Variants in SLC11A1 observed in about 807,000 individuals in gnomAD.
SLC11A1 encodes natural resistance-associated macrophage protein 1.
In SLC11A1, 59 loss-of-function variants were observed where a neutral mutation model predicts 63.2. The ratio of observed to expected loss-of-function variants is 0.93; its 90% CI spans 0.76 to 1.16. The LOEUF (loss-of-function observed/expected upper bound fraction) is 1.16, where lower values mean the gene tolerates loss of function less well. Ranked by LOEUF, SLC11A1 falls within the 50% of genes most tolerant of loss-of-function variation. The pLI is 0.00. For synonymous variants in SLC11A1, 305 were observed against 307.8 expected (o/e 0.99, Z 0.09); for missense variants, 688 against 730.7 (o/e 0.94, Z 0.67).
chr2:218,392,864 C>G (rs1559124000), intron 11 of SLC11A1, 117 bp from the exon 12 acceptor site: 1 of 796,422 alleles, frequency 1.3e-6, no homozygotes. Flanking sequence ...CCCAGTTCAA[C>G]AGTGGAAAAA....
Position 218,386,670 on chromosome 2 carries a change from A to C in SLC11A1, c.429A>C (p.Leu143=), listed in dbSNP as rs1696122383. The C allele has an allele frequency of 6.2e-7, 1 of 1,613,942 alleles. No individual in the cohort carries two copies. The highest frequency in any genetic ancestry group is 1.1e-5 in the South Asian group (1 of 91,080). The change falls in exon 5 of 15, where the codon CTA becomes CTC. Residue 143 remains leucine (L), a synonymous_variant. Coordinates refer to ENST00000233202, the MANE Select transcript of SLC11A1 (RefSeq NM_000578.4). ...PRTVLWLTIE[L]AIVGSDMQEV... is the part of the protein sequence containing the mutation. Reference sequence around the variant, plus strand: ...CCGTCCTCTGGCTGACCATCGAGCTAGCCATTGTGGGCTCCGACATGCAGG... The same window carrying C: ...CCGTCCTCTGGCTGACCATCGAGCTCGCCATTGTGGGCTCCGACATGCAGG...
intron 1 of SLC11A1, 78 bp downstream of exon 1, chr2:218,382,453 G>A: frequency 1.3e-6 from 2 of 1,547,178 alleles, no homozygotes; most frequent in African/African-American, 1.4e-5. Context: ...GAGACTTGAG[G>A]AAGCAAGAAA....
chr2:218,386,609 A>G (rs1380360734), intron 4 of SLC11A1, 26 bp from the exon 5 acceptor site: 2 of 1,543,316 alleles, frequency 1.3e-6, no homozygotes, highest in East Asian at 2.3e-5. Flanking sequence ...GCCCACCCTT[A>G]ATGAAGGATC....
chr2:218,394,001 G>C, intron 12 of SLC11A1, 119 bp from the exon 13 acceptor site: 1 of 914,082 alleles, frequency 1.1e-6, no homozygotes, highest in Non-Finnish European at 1.7e-6. Flanking sequence ...GGCTCAGTGT[G>C]GTTAGGGCAG....
rs939065125 is a variant in SLC11A1 at position 218,384,464 on chromosome 2, G to C, written c.273+99G>C. On this transcript the variant is annotated intron_variant, in intron 3 of 14. Coordinates refer to ENST00000233202, the MANE Select transcript of SLC11A1 (RefSeq NM_000578.4). The surrounding 1 kb of genome is among the most constrained non-coding windows in gnomAD (Gnocchi z 4.0). ...TGGCCATGTTTCTCCAATGTGGCCTGGGAGCTGGTGTTAAGTTCAAATGGG... is the reference window on the plus strand; with the variant it reads ...TGGCCATGTTTCTCCAATGTGGCCTCGGAGCTGGTGTTAAGTTCAAATGGG... 7.0e-7 allele frequency: 1 copy of C among 1,432,734 alleles called. No homozygotes were observed. Among genetic ancestry groups the C allele is most frequent in the Non-Finnish European group, 9.4e-7 (1 of 1,062,290 alleles). The allele number at this position is 1,432,734 out of a possible 1,614,324, so 88.8% of individuals were successfully genotyped here.
chr2:218,395,103 G>T lies in SLC11A1; in HGVS notation c.*68G>T. The T allele has an allele frequency of 8.1e-7, 1 of 1,239,380 alleles. No individual in the cohort carries two copies. Among genetic ancestry groups the T allele is most frequent in the Non-Finnish European group, 1.1e-6 (1 of 873,440 alleles). 76.8% of individuals were successfully genotyped at this position (1,239,380 alleles called of 1,614,324 possible). On this transcript the variant is annotated 3_prime_UTR_variant, in exon 15 of 15. Transcript: ENST00000233202. Reference sequence around the variant, plus strand: ...CTGGCCTGCTGGATGTGGAGGGGGCGCGTGCAGGCAGCAGGATAGAGTGGG... The same window carrying T: ...CTGGCCTGCTGGATGTGGAGGGGGCTCGTGCAGGCAGCAGGATAGAGTGGG...
At position 218,382,945 on chromosome 2, in the gene SLC11A1, C is replaced by T. The variant is rs1432002688; in HGVS notation, c.8-15C>T. 11 of 1,613,930 alleles carry T rather than the reference C, an allele frequency of 6.8e-6. No individual in the cohort carries two copies. The highest frequency in any genetic ancestry group is 9.3e-6 in the Non-Finnish European group (11 of 1,179,994). ...AAGAGGCAGGACACTCACCATGCTT[C>T]ATGGGCCCCCACAGGTGACAAGGGT... On this transcript the variant is annotated splice_polypyrimidine_tract_variant and intron_variant, in intron 1 of 14. Transcript: ENST00000233202.
At position 218,389,981 on chromosome 2, in the gene SLC11A1, A is replaced by G. The variant is rs562080206; in HGVS notation, c.907A>G (p.Met303Val). ...SVSFIINLFV[M>V]AVFGQAFYQK... ...CTCCTTTATCATCAACCTCTTTGTC[A>G]TGGCTGTCTTTGGGCAGGCCTTCTA... The change falls in exon 9 of 15, where the codon ATG becomes GTG. Residue 303 changes from methionine to valine, a missense_variant. Met to Val is a conservative substitution (Grantham distance 21, BLOSUM62 1). Coordinates refer to ENST00000233202, the MANE Select transcript of SLC11A1 (RefSeq NM_000578.4). 2.5e-6 allele frequency: 4 copies of G among 1,613,740 alleles called. No individual in the cohort carries two copies. The Admixed American group carries it at 5.0e-5, about 20-fold the overall frequency.
intron 13 of SLC11A1, 155 bp from the exon 14 acceptor site, chr2:218,394,477 G>T: frequency 1.2e-6 from 1 of 842,902 alleles, no homozygotes; most frequent in Non-Finnish European, 1.8e-6. Context: ...GAGGCAGGAG[G>T]TGGGGAGGGG....
chr2:218,386,910 G>C, intron 5 of SLC11A1, 169 bp downstream of exon 5: 1 of 663,970 alleles, frequency 1.5e-6, no homozygotes, highest in East Asian at 2.7e-5. Context: ...AAGTCACACA[G>C]ATGTGAGTCA....
intron 5 of SLC11A1, 30 bp from the exon 6 acceptor site, chr2:218,387,130 C>T: frequency 6.2e-7 from 1 of 1,608,036 alleles, no homozygotes; most frequent in Non-Finnish European, 8.5e-7. Context: ...CTGGACCAGG[C>T]TGGGCTGACC....
At position 218,384,216 on chromosome 2, in the gene SLC11A1, C is replaced by A; in HGVS notation, c.151-27C>A. The A allele has an allele frequency of 3.2e-6, 5 of 1,570,876 alleles. No homozygotes were observed. In the South Asian group the frequency reaches 5.7e-5, roughly 18 times the overall value. On this transcript the variant is annotated intron_variant, in intron 2 of 14. Transcript: ENST00000233202. The surrounding 1 kb of genome is among the most constrained non-coding windows in gnomAD (Gnocchi z 4.0). ...ACCATCCCTATACCCAGGACCCCCTCACTCTACTCCTCCCACCCCCCAACA... is the reference window on the plus strand; with the variant it reads ...ACCATCCCTATACCCAGGACCCCCTAACTCTACTCCTCCCACCCCCCAACA...
At chr2:218,383,753 T>C (rs1695926962) in intron 2 of SLC11A1, 1 of 152,758 alleles carries the variant, frequency 6.5e-6, no homozygotes, top group Non-Finnish European at 1.5e-5. Flanking sequence ...GTGCTGGGAT[T>C]ACAGACACGA....
chr2:218,390,902 C>T (rs1696392640), intron 9 of SLC11A1, among the ~76,000 whole-genome samples: 1 of 152,090 alleles, frequency 6.6e-6, no homozygotes, highest in African/African-American at 2.4e-5. Flanking sequence ...AAAAACCCGG[C>T]CGGGTGCGGT....
rs754210349 is a variant in SLC11A1, at chr2:218,384,833, C to T, written c.274-314C>T. The T allele has an allele frequency of 9.2e-6, 3 of 325,628 alleles. No individual in the cohort carries two copies. Among genetic ancestry groups the T allele is most frequent in the East Asian group, 9.0e-5 (1 of 11,112 alleles). 20.2% of individuals were successfully genotyped at this position (325,628 alleles called of 1,614,324 possible). ...GAACTCCTGACCTCAAGTGATCCAC[C>T]GCCTCGGCCTCCCAAAGTGCTGGGA... is the stretch of plus-strand genomic sequence containing the variant. On this transcript the variant is annotated intron_variant, in intron 3 of 14. Coordinates refer to ENST00000233202, the MANE Select transcript of SLC11A1 (RefSeq NM_000578.4). This position sits in a 1 kb window ranked among gnomAD's most constrained non-coding sequence, Gnocchi z 4.0.
Position 218,385,356 on chromosome 2 carries a change from C to A in SLC11A1, c.393+90C>A, listed in dbSNP as rs1281253768. 6.5e-6 allele frequency: 10 copies of A among 1,539,264 alleles called. No individual in the cohort carries two copies. In the Admixed American group the frequency reaches 1.5e-4, roughly 23 times the overall value. On this transcript the variant is annotated intron_variant, in intron 4 of 14. Transcript: ENST00000233202. Reference sequence around the variant, plus strand: ...TTCCACGATCAAATAAATACATCATCTCACATGGGGCATCCCAAGTCTGTT... The same window carrying A: ...TTCCACGATCAAATAAATACATCATATCACATGGGGCATCCCAAGTCTGTT...
At chr2:218,389,387 T>C (rs1159864682) in intron 8 of SLC11A1, among the ~76,000 whole-genome samples, 1 of 152,060 alleles carries the variant, frequency 6.6e-6, no homozygotes, top group East Asian at 1.9e-4. Flanking sequence ...ACCCTGTCTC[T>C]GCAGAAAATT....
At chr2:218,389,835 A>G (rs1696326409) in intron 8 of SLC11A1, 35 bp from the exon 9 acceptor site, 1 of 1,583,380 alleles carries the variant, frequency 6.3e-7, no homozygotes, top group African/African-American at 1.3e-5. Context: ...GCTCTGAGGG[A>G]CTTTGGCACT....
At position 218,387,179 on chromosome 2, in the gene SLC11A1, G is replaced by A. The variant is rs933217084; in HGVS notation, c.520G>A (p.Val174Ile). The change falls in exon 6 of 15, where the codon GTC becomes ATC. Residue 174 changes from valine (V) to isoleucine (I), a missense_variant. Transcript: ENST00000233202. The part of the protein sequence containing the change: ...SAGRIPLWGG[V>I]LITIVDTFFF... Reference sequence around the variant, plus strand: ...TTTCAGAATCCCACTCTGGGGTGGCGTCCTCATCACCATCGTGGACACCTT... The same window carrying A: ...TTTCAGAATCCCACTCTGGGGTGGCATCCTCATCACCATCGTGGACACCTT... The A allele has an allele frequency of 9.3e-6, 15 of 1,614,032 alleles. No homozygotes were observed. The African/African-American group carries it at 1.1e-4, about 11-fold the overall frequency.
Sources: gnomAD v4.1 joint callset for allele counts (sites outside exome capture counted in the v4.1 genomes callset) on GRCh38, gnomAD v4.1.1 for gene constraint, Gnocchi (gnomAD v3.1) non-coding constraint, MANE v1.5 for transcripts, NCBI Gene and HGNC (gene_info 2026-07-23, HGNC 2026-07-21) for gene names.